The following SUPT6H variants were observed in gnomAD, a reference collection of about 807,000 sequenced individuals.
SUPT6H encodes SPT6 homolog, histone chaperone and transcription elongation factor.
SUPT6H carries 11 observed loss-of-function variants against 222.3 expected under a neutral mutation model. That is an observed-to-expected ratio of 0.05 (90% confidence interval 0.03 to 0.08). The LOEUF (loss-of-function observed/expected upper bound fraction) is 0.08, where lower values mean the gene tolerates loss of function less well. Ranked by LOEUF, SUPT6H falls within the 10% of genes least tolerant of loss-of-function variation. The probability of loss-of-function intolerance (pLI) is 1.00; values close to 1 mark genes in which losing one functional copy is unlikely to be tolerated. For missense variants in SUPT6H, 1,422 were observed against 2,216.0 expected (o/e 0.64, Z 7.19); for synonymous variants, 762 against 801.2 (o/e 0.95, Z 0.83).
intron 1 of SUPT6H, among the ~76,000 whole-genome samples, chr17:28,669,809 G>A (rs536804492): frequency 8.5e-5 from 13 of 152,198 alleles, no homozygotes; most frequent in African/African-American, 2.4e-4. Context: ...GGTGGCGAGC[G>A]CCTGTAGTCC....
At chr17:28,685,203 T>C (rs931918750) in intron 19 of SUPT6H, among the ~76,000 whole-genome samples, 4 of 152,146 alleles carry the variant, frequency 2.6e-5, no homozygotes, top group Non-Finnish European at 5.9e-5. Flanking sequence ...CTGGAGTTGC[T>C]TTAACTGCCT....
rs781265869 is a variant in SUPT6H, at chr17:28,678,875, C to G, written c.1261C>G (p.Gln421Glu). 3 of 1,614,112 alleles carry G rather than the reference C, an allele frequency of 1.9e-6. No homozygotes were observed. Among genetic ancestry groups the G allele is most frequent in the East Asian group, 2.2e-5 (1 of 44,904 alleles). Residue 421 changes from glutamine to glutamate, a missense_variant, in exon 11 of 37, where the codon CAG (glutamine) becomes GAG (glutamate). Physicochemically the swap from Gln to Glu is conservative, Grantham distance 29. Around this residue, in one of 13 missense-constraint regions of SUPT6H, gnomAD observed 389 missense variants for 544.6 expected, o/e 0.71. Coordinates refer to ENST00000314616, the MANE Select transcript of SUPT6H (RefSeq NM_003170.5). Reference sequence around the variant, plus strand: ...CCTAACACGGCTGTTTGAGAAGATGCAGGCTTATCAGTATGAACAGATCTC... The same window carrying G: ...CCTAACACGGCTGTTTGAGAAGATGGAGGCTTATCAGTATGAACAGATCTC... ...ENLTRLFEKM[Q>E]AYQYEQISAD... is the part of the protein sequence containing the mutation.
chr17:28,690,493 G>A (rs575119703), intron 26 of SUPT6H, among the ~76,000 whole-genome samples: 156 of 152,314 alleles, frequency 1.0e-3, no homozygotes, highest in African/African-American at 3.6e-3. Context: ...TCAGGGGAAC[G>A]GCCAGGCACA....
chr17:28,674,165 G>A, intron 2 of SUPT6H, 118 bp from the exon 3 acceptor site: 1 of 1,273,836 alleles, frequency 7.9e-7, no homozygotes, highest in Admixed American at 2.3e-5. Context: ...AGGCAGAAGA[G>A]TTAACATGGC....
chr17:28,691,208 A>G (rs2031626731), intron 27 of SUPT6H, 145 bp downstream of exon 27: 3 of 1,140,764 alleles, frequency 2.6e-6, no homozygotes, highest in Admixed American at 2.3e-5. Flanking sequence ...GGAAACACAC[A>G]GGTTTAGCAT....
At chr17:28,675,556 G>A (rs1380589775) in intron 6 of SUPT6H, 71 bp downstream of exon 6, 14 of 1,538,402 alleles carry the variant, frequency 9.1e-6, no homozygotes, top group Non-Finnish European at 1.2e-5. Context: ...GGAGATCAGA[G>A]GCCTTTGCCA....
At chr17:28,687,912 T>C (rs1333506918) in intron 23 of SUPT6H, among the ~76,000 whole-genome samples, 179 bp from the exon 24 acceptor site, 1 of 152,148 alleles carries the variant, frequency 6.6e-6, no homozygotes, top group African/African-American at 2.4e-5. Context: ...TATTTTCCCA[T>C]TTAAAGCAAA....
At chr17:28,701,198 T>C (rs1408674865) in intron 36 of SUPT6H, 70 bp downstream of exon 36, 1 of 1,527,794 alleles carries the variant, frequency 6.5e-7, no homozygotes, top group Non-Finnish European at 8.8e-7. Context: ...GCCGAAAGGC[T>C]TAGCAGAGGC....
chr17:28,696,901 C>G lies in SUPT6H; in HGVS notation c.4028C>G (p.Ala1343Gly), dbSNP rs1567704904. ...TTCCATAATATCAATTTCAAGCAAG[C>G]AGAAAAGATGATGGAGACCATGGAC... The part of the protein sequence containing the change: ...PSFHNINFKQ[A>G]EKMMETMDQG... The change falls in exon 30 of 37, where the codon GCA becomes GGA. Residue 1343 changes from alanine (A) to glycine (G), a missense_variant. By Grantham distance (60) the Ala-to-Gly change is moderately conservative. Coordinates refer to ENST00000314616, the MANE Select transcript of SUPT6H (RefSeq NM_003170.5). 3.7e-6 allele frequency: 6 copies of G among 1,613,936 alleles called. No individual in the cohort carries two copies. Among genetic ancestry groups the G allele is most frequent in the African/African-American group, 1.3e-5 (1 of 74,918 alleles).
Position 28,678,620 on chromosome 17 carries a change from C to G in SUPT6H, c.1192C>G (p.Gln398Glu). ...LHINDLWRVWQWDEKWTQLRI... is the reference protein window; with the variant it reads ...LHINDLWRVWEWDEKWTQLRI... ...CATCAATGACCTATGGAGAGTCTGG[C>G]AGTGGGATGAAAAGGTAATGTAGAT... Residue 398 changes from glutamine (Q) to glutamate (E), a missense_variant, in exon 10 of 37, where the codon CAG (glutamine) becomes GAG (glutamate). Physicochemically the swap from Gln to Glu is conservative, Grantham distance 29 (BLOSUM62 2). Around this residue, in one of 13 missense-constraint regions of SUPT6H, gnomAD observed 389 missense variants for 544.6 expected, o/e 0.71. Coordinates refer to ENST00000314616, the MANE Select transcript of SUPT6H (RefSeq NM_003170.5). 6.2e-7 allele frequency: 1 copy of G among 1,614,138 alleles called. No individual in the cohort carries two copies. Among genetic ancestry groups the G allele is most frequent in the Non-Finnish European group, 8.5e-7 (1 of 1,180,032 alleles).
chr17:28,667,487 A>G (rs976260915), intron 1 of SUPT6H, among the ~76,000 whole-genome samples: 24 of 134,212 alleles, frequency 1.8e-4, no homozygotes, highest in African/African-American at 5.8e-4. Flanking sequence ...ATGTGTGTGT[A>G]TATATGTATA....
At chr17:28,669,741 C>G (rs1202427462) in intron 1 of SUPT6H, among the ~76,000 whole-genome samples, 3 of 152,112 alleles carry the variant, frequency 2.0e-5, no homozygotes, top group Admixed American at 6.5e-5. Context: ...TCGAGACCAG[C>G]CTGGCCAATA....
In SUPT6H at chr17:28,674,296, G is replaced by C. The variant is rs1274266980; in HGVS notation, c.123G>C (p.Glu41Asp). Reference protein sequence around the residue: ...VEEEDDDEEEEEENLDDQDEQ... With the variant: ...VEEEDDDEEEDEENLDDQDEQ... The stretch of plus-strand genomic sequence containing the variant: ...CATGTCTTCCAGATGAGGAGGAGGA[G>C]GAGGAGAACCTAGATGATCAGGATG... The change falls in exon 3 of 37, where the codon GAG (glutamate) becomes GAC (aspartate). Residue 41 changes from glutamate (E) to aspartate (D), a missense_variant. Physicochemically the swap from Glu to Asp is conservative, Grantham distance 45. Coordinates refer to ENST00000314616, the MANE Select transcript of SUPT6H (RefSeq NM_003170.5). The C allele has an allele frequency of 6.2e-6, 10 of 1,614,016 alleles. No homozygotes were observed. Among genetic ancestry groups the C allele is most frequent in the African/African-American group, 1.3e-5 (1 of 74,900 alleles).
intron 9 of SUPT6H, 49 bp downstream of exon 9, chr17:28,678,241 G>T (rs766954800): frequency 8.6e-6 from 13 of 1,518,828 alleles, no homozygotes; most frequent in Non-Finnish European, 1.2e-5. Flanking sequence ...TTAGTTAGGG[G>T]ATGAGGGAAA....
At chr17:28,680,183 G>A (rs1402941506) in intron 11 of SUPT6H, among the ~76,000 whole-genome samples, 2 of 150,628 alleles carry the variant, frequency 1.3e-5, no homozygotes, top group Non-Finnish European at 2.9e-5. Flanking sequence ...GCAGGCACCT[G>A]TAATCCCAGC....
intron 1 of SUPT6H, among the ~76,000 whole-genome samples, chr17:28,665,751 G>A (rs2029975851): frequency 6.6e-6 from 1 of 151,972 alleles, no homozygotes; most frequent in Non-Finnish European, 1.5e-5. Context: ...GCAATGGAGC[G>A]AGACTCTGTC....
At chr17:28,681,217 T>C in intron 11 of SUPT6H, 39 bp from the exon 12 acceptor site, 1 of 1,611,798 alleles carries the variant, frequency 6.2e-7, no homozygotes, top group Non-Finnish European at 8.5e-7. Flanking sequence ...ATACCCTTTC[T>C]GCAGTGATGA....
At chr17:28,693,566 C>G in intron 27 of SUPT6H, 130 bp from the exon 28 acceptor site, 1 of 1,102,796 alleles carries the variant, frequency 9.1e-7, no homozygotes, top group Non-Finnish European at 1.3e-6. Context: ...ATGACTAAGT[C>G]ATTGTGTTTT....
intron 29 of SUPT6H, 77 bp downstream of exon 29, chr17:28,695,624 G>A (rs898693469): frequency 2.0e-6 from 3 of 1,475,100 alleles, no homozygotes; most frequent in East Asian, 4.9e-5. Context: ...GCCACAGGAT[G>A]CACATGTGTC....
Sources: gnomAD v4.1 joint callset for allele counts (sites outside exome capture counted in the v4.1 genomes callset) on GRCh38, gnomAD v4.1.1 for gene constraint, gnomAD v4.1.1 regional missense constraint, MANE v1.5 for transcripts, NCBI Gene and HGNC (gene_info 2026-07-23, HGNC 2026-07-21) for gene names.